Variants in GNAS observed in about 807,000 individuals in gnomAD.
GNAS encodes the protein protein ALEX.
A neutral mutation model predicts 54.5 loss-of-function variants in GNAS; 8 were observed. The ratio of observed to expected loss-of-function variants is 0.15; its 90% CI spans 0.09 to 0.26. The LOEUF (loss-of-function observed/expected upper bound fraction) is 0.26. Ranked by LOEUF, GNAS falls within the 10% of genes least tolerant of loss-of-function variation. The pLI, the probability that GNAS is intolerant of heterozygous loss-of-function variation, is 1.00. For missense variants in GNAS, 170 were observed against 529.8 expected (o/e 0.32, Z 6.67); for synonymous variants, 204 against 191.4 (o/e 1.07, Z -0.54).
intron 1 of GNAS, among the ~76,000 whole-genome samples, chr20:58,892,894 C>T (rs1272401428): frequency 8.3e-6 from 1 of 120,154 alleles, no homozygotes; most frequent in Non-Finnish European, 1.7e-5. Flanking sequence ...CCACGAGCAG[C>T]GCCCCCCCAA....
In GNAS at chr20:58,873,735, T is replaced by C. The variant is rs2087613197; in HGVS notation, c.44-21877T>C. Among the ~76,000 whole-genome samples, 1 of 152,154 alleles carries C rather than the reference T, an allele frequency of 6.6e-6. No homozygotes were observed. The highest frequency in any genetic ancestry group is 2.4e-5 in the African/African-American group (1 of 41,430). On this transcript the variant is annotated intron_variant, in intron 1 of 12. Coordinates refer to the GNAS transcript ENST00000306090. The surrounding 1 kb of genome is among the most constrained non-coding windows in gnomAD (Gnocchi z 4.3). The stretch of plus-strand genomic sequence containing the variant: ...ATTCATTCGATATACATGTATTGAG[T>C]GCCAAATATGTGCCCTTCCCCGTGG...
At chr20:58,892,308 G>A (rs2089503209) in intron 1 of GNAS, 2 of 343,080 alleles carry the variant, frequency 5.8e-6, no homozygotes, top group Non-Finnish European at 8.2e-6. Flanking sequence ...GGTAGAGGGA[G>A]GGGGACCCGC....
intron 1 of GNAS, among the ~76,000 whole-genome samples, chr20:58,875,328 C>T (rs1341919093): frequency 6.6e-6 from 1 of 152,198 alleles, no homozygotes; most frequent in Non-Finnish European, 1.5e-5. Flanking sequence ...TTCAGTTAAT[C>T]CCATTAGCTG....
chr20:58,897,057 C>T (rs1264704418), intron 2 of GNAS, among the ~76,000 whole-genome samples: 1 of 152,150 alleles, frequency 6.6e-6, no homozygotes, highest in East Asian at 1.9e-4. Context: ...ACGAATAGTC[C>T]TGTTAGTTGA....
chr20:58,909,433 C>T lies in GNAS; in HGVS notation c.659+10C>T. On this transcript the variant is annotated intron_variant, in intron 8 of 12. Transcript: ENST00000371085. This position sits in a 1 kb window ranked among gnomAD's most constrained non-coding sequence, Gnocchi z 7.3. ...ACAAAGTCAACTTCCAGTAAGCCAA[C>T]TGTTACCTTTTTATATAACAGAGAT... The T allele has an allele frequency of 1.2e-6, 2 of 1,612,324 alleles. No individual in the cohort carries two copies. Among genetic ancestry groups the T allele is most frequent in the Non-Finnish European group, 1.7e-6 (2 of 1,178,356 alleles).
At chr20:58,869,026 GAATGTTTTTAA>G (rs1270167328) in intron 1 of GNAS, among the ~76,000 whole-genome samples, 1 of 152,190 alleles carries the variant, frequency 6.6e-6, no homozygotes, top group African/African-American at 2.4e-5. Context: ...TAAGGCTGAG[GAATGTTTTTAA>G]AAGGTTTCAG....
At chr20:58,899,856 A>C (rs2090450520) in intron 3 of GNAS, 6 of 706,412 alleles carry the variant, frequency 8.5e-6, no homozygotes, top group Non-Finnish European at 1.6e-5. Flanking sequence ...CATCTCAAAG[A>C]AACAGCTTCT....
chr20:58,839,958 TCTC>T (rs922895264), upstream of GNAS: 5 of 766,748 alleles, frequency 6.5e-6, no homozygotes, highest in Admixed American at 1.0e-4. Context: ...CTTCCCTTTT[TCTC>T]CTCACAAGGA....
chr20:58,909,222 C>T lies in GNAS; in HGVS notation c.585+6C>T, dbSNP rs373084986. 310 of 1,611,878 alleles carry T rather than the reference C, an allele frequency of 1.9e-4. 1 individual carries two copies. Among genetic ancestry groups the T allele is most frequent in the Non-Finnish European group, 2.5e-4 (290 of 1,177,996 alleles). ...ACTATGTGCCGAGCGATCAGGTGTG[C>T]AAAACCCCTCCCCACCAGAGGACTC... On this transcript the variant is annotated splice_donor_region_variant and intron_variant, in intron 7 of 12. Transcript: ENST00000371085. This position sits in a 1 kb window ranked among gnomAD's most constrained non-coding sequence, Gnocchi z 7.3.
chr20:58,896,876 AC>A (rs1055975438), intron 2 of GNAS, among the ~76,000 whole-genome samples: 2 of 151,728 alleles, frequency 1.3e-5, no homozygotes, highest in African/African-American at 2.4e-5. Context: ...TATACCAACC[AC>A]CCCCCAAAAA....
At chr20:58,861,118 A>G (rs2086761169) in intron 1 of GNAS, among the ~76,000 whole-genome samples, 2 of 152,350 alleles carry the variant, frequency 1.3e-5, no homozygotes, top group South Asian at 4.1e-4. Flanking sequence ...TGGCTCTTCA[A>G]ATGCCTCTAA....
At chr20:58,907,801 G>A (rs1402765591) in intron 6 of GNAS, among the ~76,000 whole-genome samples, 1 of 152,266 alleles carries the variant, frequency 6.6e-6, no homozygotes, top group Non-Finnish European at 1.5e-5. Flanking sequence ...CCCTGCATCT[G>A]CCGTGGCCGG....
upstream of GNAS, among the ~76,000 whole-genome samples, chr20:58,886,815 A>T (rs1381390637): frequency 6.6e-6 from 1 of 152,228 alleles, no homozygotes; most frequent in Admixed American, 6.5e-5. Context: ...TCATTTGCTT[A>T]CCTGTAAACC....
chr20:58,872,872 G>A (rs1419591105), intron 1 of GNAS, among the ~76,000 whole-genome samples: 1 of 152,140 alleles, frequency 6.6e-6, no homozygotes, highest in Non-Finnish European at 1.5e-5. Flanking sequence ...TCATTCATCA[G>A]CTCAAGAGAA....
At chr20:58,862,067 C>G (rs1395838688) in intron 1 of GNAS, among the ~76,000 whole-genome samples, 1 of 152,094 alleles carries the variant, frequency 6.6e-6, no homozygotes, top group African/African-American at 2.4e-5. Context: ...TTTGAGAAAT[C>G]TGGAGTCTTT....
At position 58,856,475 on chromosome 20, in the gene GNAS, G is replaced by A. The variant is rs183606239; in HGVS notation, c.43+15589G>A. 2.0e-5 allele frequency: 3 copies of A among 152,768 alleles called. No homozygotes were observed. The East Asian group carries it at 5.8e-4, about 29-fold the overall frequency. The allele number at this position is 152,768 out of a possible 1,614,324, so 9.5% of individuals were successfully genotyped here. A position where few individuals can be genotyped will look rare whatever the true frequency, so the allele number is the denominator to read the frequency against. On this transcript the variant is annotated intron_variant, in intron 1 of 12. Coordinates refer to the GNAS transcript ENST00000306090. This position sits in a 1 kb window ranked among gnomAD's most constrained non-coding sequence, Gnocchi z 4.2. ...TAGGAGGGGCTTGGTTTAAAAAGATGGGGGTTATGTGTTGTGAGTGGAATG... is the reference window on the plus strand; with the variant it reads ...TAGGAGGGGCTTGGTTTAAAAAGATAGGGGTTATGTGTTGTGAGTGGAATG...
chr20:58,854,404 C>G (rs759657991), intron 1 of GNAS: 1 of 1,566,078 alleles, frequency 6.4e-7, no homozygotes, highest in Non-Finnish European at 8.6e-7. Context: ...GGGTACGGAT[C>G]CCCTGCCGCC....
rs1312712314 is a variant in GNAS, at chr20:58,850,841, CCCCCACCGGCTTCCAACCA to C, written c.43+9961_43+9979del. 3.3e-5 allele frequency: 13 copies of C among 398,846 alleles called. No homozygotes were observed. In the East Asian group the frequency reaches 4.3e-4, roughly 13 times the overall value. 24.7% of individuals were successfully genotyped at this position (398,846 alleles called of 1,614,324 possible). ...CCAGGCCTAGCCGCCATACACCCGC[CCCCCACCGGCTTCCAACCA>C]CCCCAGCAGCACCTCTTCGGGCGTT... On this transcript the variant is annotated intron_variant, in intron 1 of 12. Coordinates refer to the GNAS transcript ENST00000306090.
At chr20:58,859,652 A>G in intron 1 of GNAS, among the ~76,000 whole-genome samples, 1 of 148,754 alleles carries the variant, frequency 6.7e-6, no homozygotes. Context: ...TTTGAGAAGG[A>G]GTCTCGCTCT....
Sources: allele counts gnomAD v4.1 joint callset (sites outside exome capture counted in the v4.1 genomes callset), GRCh38; gene constraint gnomAD v4.1.1; non-coding constraint Gnocchi (gnomAD v3.1); transcripts MANE v1.5; gene names NCBI Gene and HGNC (gene_info 2026-07-23, HGNC 2026-07-21).